The following EDNRB variants were observed in gnomAD, a reference collection of about 807,000 sequenced individuals.
EDNRB encodes the protein endothelin receptor type B.
Under a neutral mutation model 46.4 loss-of-function variants are expected in EDNRB, and 18 were observed. The ratio of observed to expected loss-of-function variants is 0.39; its 90% confidence interval spans 0.27 to 0.57. The LOEUF (loss-of-function observed/expected upper bound fraction) is 0.57, where lower values mean the gene tolerates loss of function less well. EDNRB is among the 20% of genes least tolerant of loss of function. The pLI, the probability that EDNRB is intolerant of heterozygous loss-of-function variation, is 0.61. For synonymous variants in EDNRB, 213 were observed against 204.9 expected (o/e 1.04, Z -0.34); for missense variants, 434 against 537.5 (o/e 0.81, Z 1.90).
rs369500916 is a variant in EDNRB at position 77,965,960 on chromosome 13, T to C, written c.-52+9387A>G. ...GTTGTGATCACAGCTCACTGCAGCC[T>C]CAACCTTTTGGTCTCAAGCAATCCT... On this transcript the variant is annotated intron_variant, in intron 1 of 7. Coordinates refer to the EDNRB transcript ENST00000646948. Among the ~76,000 whole-genome samples, 7 of 152,302 alleles carry C rather than the reference T, an allele frequency of 4.6e-5. No homozygotes were observed. In the South Asian group the frequency reaches 1.5e-3, roughly 32 times the overall value.
chr13:77,924,954 G>A (rs529675524), intron 1 of EDNRB, among the ~76,000 whole-genome samples: 13 of 152,298 alleles, frequency 8.5e-5, no homozygotes, highest in Non-Finnish European at 1.8e-4. Context: ...ATGTGGAGCT[G>A]TAAGTCCAAT....
At chr13:77,936,503 C>T (rs974198428) in intron 1 of EDNRB, among the ~76,000 whole-genome samples, 4 of 152,080 alleles carry the variant, frequency 2.6e-5, no homozygotes, top group South Asian at 2.1e-4. Flanking sequence ...AAGAAGGGGG[C>T]GGACTTATCT....
intron 1 of EDNRB, among the ~76,000 whole-genome samples, chr13:77,941,806 A>T (rs952166912): frequency 2.0e-5 from 3 of 152,240 alleles, no homozygotes; most frequent in African/African-American, 4.8e-5. Flanking sequence ...CTAATGCTTA[A>T]ATAAAGCAAA....
intron 1 of EDNRB, among the ~76,000 whole-genome samples, chr13:77,937,346 T>TGACTGA (rs572266179): frequency 2.4e-4 from 37 of 152,196 alleles, no homozygotes; most frequent in Non-Finnish European, 4.9e-4. Context: ...CCTGGAGGTC[T>TGACTGA]GACTCGTGAA....
At chr13:77,952,723 T>C (rs1881126511) in intron 1 of EDNRB, among the ~76,000 whole-genome samples, 1 of 152,210 alleles carries the variant, frequency 6.6e-6, no homozygotes, top group South Asian at 2.1e-4. Flanking sequence ...GAAATCAATT[T>C]TACCCTGAAT....
chr13:77,931,034 C>T (rs1296003554), intron 1 of EDNRB, among the ~76,000 whole-genome samples: 1 of 152,172 alleles, frequency 6.6e-6, no homozygotes, highest in African/African-American at 2.4e-5. Context: ...GGAATTCGGT[C>T]TCCAGATGCT....
At chr13:77,942,558 C>A (rs1416948304) in intron 1 of EDNRB, among the ~76,000 whole-genome samples, 14 of 152,084 alleles carry the variant, frequency 9.2e-5, no homozygotes, top group African/African-American at 3.4e-4. Context: ...CATCACATTG[C>A]ACCCAATTAA....
At chr13:77,960,227 C>G (rs567169934) in intron 1 of EDNRB, among the ~76,000 whole-genome samples, 1 of 152,190 alleles carries the variant, frequency 6.6e-6, no homozygotes, top group South Asian at 2.1e-4. Context: ...CTCCAAGACA[C>G]ATAATTATCA....
At chr13:77,935,324 C>T (rs958463343) in intron 1 of EDNRB, among the ~76,000 whole-genome samples, 2 of 152,122 alleles carry the variant, frequency 1.3e-5, no homozygotes, top group African/African-American at 2.4e-5. Flanking sequence ...TGCACTTTGG[C>T]TGTGGGTAAT....
intron 1 of EDNRB, among the ~76,000 whole-genome samples, chr13:77,959,776 GC>G (rs1881351559): frequency 6.6e-6 from 1 of 152,156 alleles, no homozygotes; most frequent in Non-Finnish European, 1.5e-5. Flanking sequence ...TCATACAGAA[GC>G]TAAAAACCTT....
chr13:77,941,587 T>C (rs1460768973), intron 1 of EDNRB, among the ~76,000 whole-genome samples: 1 of 152,246 alleles, frequency 6.6e-6, no homozygotes, highest in Non-Finnish European at 1.5e-5. Flanking sequence ...ATATCTATTT[T>C]ACAGATGAGG....
rs1566316375 is a variant in EDNRB at position 77,918,041 on chromosome 13, A to G, written c.483+50T>C. 5 of 1,612,916 alleles carry G rather than the reference A, an allele frequency of 3.1e-6. No homozygotes were observed. Among genetic ancestry groups the G allele is most frequent in the Middle Eastern group, 1.9e-4 (1 of 5,146 alleles). On this transcript the variant is annotated intron_variant, in intron 1 of 6. Transcript: ENST00000646607. The surrounding 1 kb of genome is among the most constrained non-coding windows in gnomAD (Gnocchi z 4.5). ...AAGCTTTCTCATCTCCCCGTCTCCAACCAGGCCCCCTTCCTCAAGCCCACC... is the reference window on the plus strand; with the variant it reads ...AAGCTTTCTCATCTCCCCGTCTCCAGCCAGGCCCCCTTCCTCAAGCCCACC...
intron 1 of EDNRB, among the ~76,000 whole-genome samples, chr13:77,971,139 C>A (rs1452254321): frequency 6.6e-6 from 1 of 152,154 alleles, no homozygotes; most frequent in African/African-American, 2.4e-5. Flanking sequence ...GAGTCCAATA[C>A]CTCTACACAG....
At chr13:77,899,996 G>GA in intron 5 of EDNRB, 29 bp from the exon 6 acceptor site, 2 of 1,572,438 alleles carry the variant, frequency 1.3e-6, no homozygotes, top group Non-Finnish European at 8.7e-7. Context: ...AAATGTGTCT[G>GA]AAAAATATGC....
intron 1 of EDNRB, among the ~76,000 whole-genome samples, chr13:77,975,165 C>T (rs935710566): frequency 1.1e-4 from 16 of 152,282 alleles, no homozygotes; most frequent in South Asian, 2.1e-4. Flanking sequence ...GGCACACCAT[C>T]GGTGATCAGG....
chr13:77,935,165 A>AT (rs1339417522), intron 1 of EDNRB, among the ~76,000 whole-genome samples: 1 of 152,196 alleles, frequency 6.6e-6, no homozygotes, highest in East Asian at 1.9e-4. Flanking sequence ...ATAGTTTGTG[A>AT]TTTTAAGGGC....
chr13:77,960,896 A>G (rs1389948120), intron 1 of EDNRB, among the ~76,000 whole-genome samples: 6 of 151,134 alleles, frequency 4.0e-5, no homozygotes, highest in Non-Finnish European at 8.8e-5. Context: ...TTGCAATCCT[A>G]GTCTCTGATA....
upstream of EDNRB, chr13:77,919,568 C>T (rs752632401): frequency 1.2e-6 from 2 of 1,612,238 alleles, no homozygotes; most frequent in Middle Eastern, 1.7e-4. Flanking sequence ...GTAGCCTCCA[C>T]CGTTTGCTCG....
chr13:77,943,253 G>C (rs769656549), intron 1 of EDNRB, among the ~76,000 whole-genome samples: 1 of 152,050 alleles, frequency 6.6e-6, no homozygotes, highest in African/African-American at 2.4e-5. Context: ...GAATCTATTA[G>C]AATTTATGTA....
Sources: allele counts gnomAD v4.1 joint callset (sites outside exome capture counted in the v4.1 genomes callset), GRCh38; gene constraint gnomAD v4.1.1; non-coding constraint Gnocchi (gnomAD v3.1); transcripts MANE v1.5; gene names NCBI Gene and HGNC (gene_info 2026-07-23, HGNC 2026-07-21).